The following ADGRG3 variants were observed in gnomAD, a reference collection of about 807,000 sequenced individuals.
The protein encoded by ADGRG3 is G protein-coupled receptor 97.
Under a neutral mutation model 54.3 loss-of-function variants are expected in ADGRG3, and 39 were observed. That is an observed-to-expected ratio of 0.72 (90% CI 0.56 to 0.94). The LOEUF is 0.94. Among genes scored for constraint, ADGRG3 ranks in the 40% least tolerant of loss-of-function variants. The probability of loss-of-function intolerance (pLI) is 0.00; values close to 1 mark genes in which losing one functional copy is unlikely to be tolerated. For missense variants in ADGRG3, 654 were observed against 694.6 expected (o/e 0.94, Z 0.66); for synonymous variants, 312 against 290.0 (o/e 1.08, Z -0.77).
chr16:57,684,553 T>G (rs1376168110), intron 10 of ADGRG3, 70 bp downstream of exon 10: 1 of 1,151,746 alleles, frequency 8.7e-7, no homozygotes, highest in Admixed American at 2.0e-5. Flanking sequence ...TGGAGAGAGG[T>G]GGGGAGAGGA....
At chr16:57,673,074 C>T (rs1362408822) in intron 1 of ADGRG3, among the ~76,000 whole-genome samples, 2 of 152,290 alleles carry the variant, frequency 1.3e-5, no homozygotes, top group East Asian at 1.9e-4. Context: ...GAGCCATGTG[C>T]CAAGCCTTTT....
At chr16:57,666,160 CAG>C (rs1177852261), upstream of ADGRG3, among the ~76,000 whole-genome samples, 2 of 152,150 alleles carry the variant, frequency 1.3e-5, no homozygotes, top group African/African-American at 4.8e-5. Flanking sequence ...GGGGGTCTCT[CAG>C]AGCCCCATGG....
rs1383031770 is a variant in ADGRG3 at position 57,688,632 on chromosome 16, A to G, written c.*171A>G. 1 of 619,350 alleles carries G rather than the reference A, an allele frequency of 1.6e-6. No homozygotes were observed. Among genetic ancestry groups the G allele is most frequent in the South Asian group, 1.8e-5 (1 of 55,224 alleles). 38.4% of individuals were successfully genotyped at this position (619,350 alleles called of 1,614,324 possible). On this transcript the variant is annotated 3_prime_UTR_variant, in exon 12 of 12. Transcript: ENST00000333493. ...GCATCAGAGGTCCCATCCAGATCCA[A>G]CTATAGGTCCAAGAGTCCACGTAAG...
upstream of ADGRG3, among the ~76,000 whole-genome samples, chr16:57,666,995 T>C (rs1322754589): frequency 6.6e-6 from 1 of 152,142 alleles, no homozygotes; most frequent in African/African-American, 2.4e-5. Flanking sequence ...GCTGGCCAGG[T>C]GTGGAGCAGT....
At chr16:57,668,540 C>T (rs559947556) in intron 1 of ADGRG3, 135 bp downstream of exon 1, 38 of 766,382 alleles carry the variant, frequency 5.0e-5, no homozygotes, top group African/African-American at 1.2e-4. Context: ...TCCGATACCC[C>T]CCGTGGCCGC....
At chr16:57,683,084 G>A (rs1179007211) in intron 8 of ADGRG3, among the ~76,000 whole-genome samples, 3 of 152,266 alleles carry the variant, frequency 2.0e-5, no homozygotes, top group East Asian at 3.8e-4. Flanking sequence ...AAAGGCAGAA[G>A]AAGAGGAGTC....
intron 3 of ADGRG3, 91 bp downstream of exon 3, chr16:57,676,429 A>G (rs2148701948): frequency 8.0e-7 from 1 of 1,256,550 alleles, no homozygotes; most frequent in Non-Finnish European, 1.1e-6. Context: ...ATCCTGTGAT[A>G]TAACTAGGGC....
chr16:57,679,159 C>G lies in ADGRG3; in HGVS notation c.493-18C>G. On this transcript the variant is annotated intron_variant, in intron 4 of 11. Transcript: ENST00000333493. The stretch of plus-strand genomic sequence containing the variant: ...GGCCCCTTCTGCAGCCTGGCCTCCC[C>G]GATCTCCCCTTTCACAGGGCCCCCG... The G allele has an allele frequency of 6.2e-7, 1 of 1,613,164 alleles. No homozygotes were observed. The highest frequency in any genetic ancestry group is 8.5e-7 in the Non-Finnish European group (1 of 1,179,790).
intron 8 of ADGRG3, 140 bp downstream of exon 8, chr16:57,680,757 T>TG: frequency 1.5e-6 from 1 of 645,302 alleles, no homozygotes; most frequent in Non-Finnish European, 2.8e-6. Flanking sequence ...AAAATGGGGT[T>TG]GGGGGTTGAA....
chr16:57,678,599 C>T (rs2048306619), intron 4 of ADGRG3: 1 of 497,900 alleles, frequency 2.0e-6, no homozygotes, highest in East Asian at 3.4e-5. Context: ...CTCTGTGTGT[C>T]CTCGTGCATG....
intron 1 of ADGRG3, among the ~76,000 whole-genome samples, chr16:57,671,600 G>C (rs978289392): frequency 2.0e-5 from 3 of 152,110 alleles, no homozygotes; most frequent in Non-Finnish European, 4.4e-5. Context: ...CTCCCAAAGT[G>C]CTGGGATTAT....
At chr16:57,671,663 GT>G (rs1370965736) in intron 1 of ADGRG3, among the ~76,000 whole-genome samples, 1 of 152,060 alleles carries the variant, frequency 6.6e-6, no homozygotes, top group African/African-American at 2.4e-5. Context: ...AGCACATACA[GT>G]TAGATACAGA....
chr16:57,675,454 A>C (rs1414318838), intron 2 of ADGRG3, among the ~76,000 whole-genome samples: 2 of 152,060 alleles, frequency 1.3e-5, no homozygotes, highest in Admixed American at 6.6e-5. Flanking sequence ...GTGAAACCCC[A>C]TGTTTCTCTA....
chr16:57,681,518 C>T (rs1382448887), intron 8 of ADGRG3, among the ~76,000 whole-genome samples: 8 of 151,980 alleles, frequency 5.3e-5, no homozygotes, highest in African/African-American at 9.7e-5. Context: ...GTCAGGAGTT[C>T]GAGACCAGTC....
chr16:57,675,714 CA>C (rs57968393), intron 2 of ADGRG3, among the ~76,000 whole-genome samples: 4,013 of 152,186 alleles, frequency 0.026, 147 homozygotes, highest in African/African-American at 0.089. Context: ...AAGTCAGAAA[CA>C]AAAGGCTGCA....
rs1486946738 is a variant in ADGRG3 at position 57,676,203 on chromosome 16, C to T, written c.210C>T (p.Tyr70=). Reference sequence around the variant, plus strand: ...CCCCATCCCTGGCCCTTTGCAGATACTGGCTAAACTACGAGGCCCATCTGA... The same window carrying T: ...CCCCATCCCTGGCCCTTTGCAGATATTGGCTAAACTACGAGGCCCATCTGA... ...DSCNVENLQR[Y]WLNYEAHLMK... The change falls in exon 3 of 12, where the codon TAC becomes TAT. Residue 70 remains tyrosine (Y), a synonymous_variant. Transcript: ENST00000333493. 6.2e-7 allele frequency: 1 copy of T among 1,613,678 alleles called. No individual in the cohort carries two copies.
upstream of ADGRG3, among the ~76,000 whole-genome samples, chr16:57,667,378 G>T (rs906426227): frequency 6.6e-5 from 10 of 152,256 alleles, no homozygotes; most frequent in Admixed American, 1.3e-4. Flanking sequence ...CATCCGTGGG[G>T]CCTCCAGAGT....
chr16:57,684,493 G>T lies in ADGRG3; in HGVS notation c.1256+10G>T, dbSNP rs749697653. 6.2e-7 allele frequency: 1 copy of T among 1,603,720 alleles called. No individual in the cohort carries two copies. Among genetic ancestry groups the T allele is most frequent in the South Asian group, 1.1e-5 (1 of 90,856 alleles). ...GCACCTCTCTGGAGCTGTGAGTGGCGGCTGTGGGAGCAGGGGTGATGCCAG... is the reference window on the plus strand; with the variant it reads ...GCACCTCTCTGGAGCTGTGAGTGGCTGCTGTGGGAGCAGGGGTGATGCCAG... On this transcript the variant is annotated intron_variant, in intron 10 of 11. Coordinates refer to ENST00000333493, the MANE Select transcript of ADGRG3 (RefSeq NM_170776.5).
chr16:57,683,872 C>T (rs2148712567), intron 8 of ADGRG3, 60 bp from the exon 9 acceptor site: 6 of 1,428,902 alleles, frequency 4.2e-6, no homozygotes, highest in Non-Finnish European at 4.7e-6. Flanking sequence ...GGCTTGGGTG[C>T]CTCATGGGAG....
Sources: allele counts gnomAD v4.1 joint callset (sites outside exome capture counted in the v4.1 genomes callset), GRCh38; gene constraint gnomAD v4.1.1; transcripts MANE v1.5; gene names NCBI Gene and HGNC (gene_info 2026-07-23, HGNC 2026-07-21).